Variants in KCTD8 observed in about 807,000 individuals in gnomAD.
KCTD8 encodes the protein potassium channel tetramerization domain containing 8.
Under a neutral mutation model 31.5 loss-of-function variants are expected in KCTD8, and 27 were observed. That is an observed-to-expected ratio of 0.86 (90% CI 0.63 to 1.18). KCTD8 has a LOEUF of 1.18. KCTD8 is among the 50% of genes most tolerant of loss of function. The pLI, the probability that KCTD8 is intolerant of heterozygous loss-of-function variation, is 0.00. For synonymous variants in KCTD8, 290 were observed against 280.0 expected (o/e 1.04, Z -0.36); for missense variants, 658 against 647.7 (o/e 1.02, Z -0.17).
intron 1 of KCTD8, among the ~76,000 whole-genome samples, chr4:44,418,172 A>G (rs1197839685): frequency 6.6e-6 from 1 of 152,182 alleles, no homozygotes; most frequent in Non-Finnish European, 1.5e-5. Context: ...AGAGAAGGCC[A>G]CCTAACTATA....
chr4:44,411,062 A>G (rs1259468870), intron 1 of KCTD8, among the ~76,000 whole-genome samples: 1 of 152,182 alleles, frequency 6.6e-6, no homozygotes, highest in Non-Finnish European at 1.5e-5. Context: ...GGTCCCAAGA[A>G]TAGTGCATAA....
intron 1 of KCTD8, among the ~76,000 whole-genome samples, chr4:44,359,918 G>A (rs1446544654): frequency 6.6e-6 from 1 of 151,898 alleles, no homozygotes; most frequent in Non-Finnish European, 1.5e-5. Flanking sequence ...ATATTTATGT[G>A]ACTTTTTAAA....
chr4:44,383,032 AAC>A (rs1491151283), intron 1 of KCTD8, among the ~76,000 whole-genome samples: 1 of 151,704 alleles, frequency 6.6e-6, no homozygotes, highest in East Asian at 1.9e-4. Context: ...TGACAAAAAA[AAC>A]AAGAAAGCAA....
At chr4:44,389,686 C>T (rs1242890744) in intron 1 of KCTD8, among the ~76,000 whole-genome samples, 1 of 151,780 alleles carries the variant, frequency 6.6e-6, no homozygotes, top group Non-Finnish European at 1.5e-5. Flanking sequence ...AATATAAATG[C>T]ACTTAACATT....
chr4:44,321,800 T>A (rs1718303132), intron 1 of KCTD8, among the ~76,000 whole-genome samples: 1 of 152,150 alleles, frequency 6.6e-6, no homozygotes, highest in Non-Finnish European at 1.5e-5. Flanking sequence ...TTCTAGTCTC[T>A]ACCTCCATGA....
intron 1 of KCTD8, among the ~76,000 whole-genome samples, chr4:44,423,656 TAAAG>T (rs1205211659): frequency 1.3e-5 from 2 of 152,012 alleles, no homozygotes; most frequent in Non-Finnish European, 2.9e-5. Context: ...TAACAGGAAA[TAAAG>T]TAAGTAATAA....
intron 1 of KCTD8, among the ~76,000 whole-genome samples, chr4:44,282,136 G>GT (rs148072067): frequency 3.9e-4 from 59 of 151,170 alleles, no homozygotes; most frequent in Admixed American, 2.3e-3. Context: ...CAGATGTTGT[G>GT]TTTTTTTTTA....
At chr4:44,221,288 G>A (rs1007464237) in intron 1 of KCTD8, among the ~76,000 whole-genome samples, 10 of 152,008 alleles carry the variant, frequency 6.6e-5, no homozygotes, top group Admixed American at 4.6e-4. Flanking sequence ...GTTCCATTGA[G>A]CTGCATTTTG....
At chr4:44,392,903 AC>A (rs1464150761) in intron 1 of KCTD8, among the ~76,000 whole-genome samples, 1 of 152,050 alleles carries the variant, frequency 6.6e-6, no homozygotes, top group East Asian at 1.9e-4. Flanking sequence ...CAAAAATATC[AC>A]CAAATGATAT....
At chr4:44,287,732 C>T (rs1188464826) in intron 1 of KCTD8, among the ~76,000 whole-genome samples, 1 of 152,174 alleles carries the variant, frequency 6.6e-6, no homozygotes, top group Non-Finnish European at 1.5e-5. Context: ...GCAGGCATTA[C>T]TAATTTACCA....
chr4:44,235,695 C>A (rs982792131), intron 1 of KCTD8, among the ~76,000 whole-genome samples: 5 of 150,662 alleles, frequency 3.3e-5, no homozygotes, highest in African/African-American at 1.2e-4. Context: ...TCATGACCAA[C>A]TTATTTTAAG....
chr4:44,321,751 C>G (rs1718301887), intron 1 of KCTD8, among the ~76,000 whole-genome samples: 1 of 152,110 alleles, frequency 6.6e-6, no homozygotes, highest in South Asian at 2.1e-4. Context: ...TCTTCATACA[C>G]TCCTTCCTCC....
chr4:44,342,346 GC>G (rs1257774288), intron 1 of KCTD8, among the ~76,000 whole-genome samples: 1 of 148,438 alleles, frequency 6.7e-6, no homozygotes, highest in East Asian at 2.0e-4. Flanking sequence ...TCCAGCCTGG[GC>G]TAATGAGCAA....
chr4:44,389,292 A>T (rs1003160451), intron 1 of KCTD8, among the ~76,000 whole-genome samples: 25 of 151,976 alleles, frequency 1.6e-4, no homozygotes, highest in African/African-American at 5.8e-4. Context: ...AGTTGTCTAT[A>T]ACATAAAGAC....
intron 1 of KCTD8, among the ~76,000 whole-genome samples, chr4:44,259,807 C>T (rs1273929596): frequency 6.6e-6 from 1 of 151,770 alleles, no homozygotes; most frequent in Non-Finnish European, 1.5e-5. Context: ...GGTCTAAAGG[C>T]AAATTGTTCT....
chr4:44,276,526 G>C (rs1365462176), intron 1 of KCTD8, among the ~76,000 whole-genome samples: 2 of 151,758 alleles, frequency 1.3e-5, no homozygotes, highest in Non-Finnish European at 2.9e-5. Flanking sequence ...ATATTCTTTA[G>C]TCTAAACAGT....
At chr4:44,439,521 G>A (rs1721763104) in intron 1 of KCTD8, among the ~76,000 whole-genome samples, 2 of 152,016 alleles carry the variant, frequency 1.3e-5, no homozygotes, top group Non-Finnish European at 2.9e-5. Flanking sequence ...AGCAAAGTTG[G>A]TTTATTTTTA....
At chr4:44,350,681 G>C (rs1577630579) in intron 1 of KCTD8, among the ~76,000 whole-genome samples, 1 of 152,102 alleles carries the variant, frequency 6.6e-6, no homozygotes, top group Non-Finnish European at 1.5e-5. Context: ...TGAATAAAAA[G>C]TTTTCATTGT....
chr4:44,371,862 T>C (rs987714654), intron 1 of KCTD8, among the ~76,000 whole-genome samples: 1 of 152,190 alleles, frequency 6.6e-6, no homozygotes, highest in Non-Finnish European at 1.5e-5. Flanking sequence ...TTATTTTTTA[T>C]TAAGGTTCTG....
Sources: allele counts gnomAD v4.1 joint callset (sites outside exome capture counted in the v4.1 genomes callset), GRCh38; gene constraint gnomAD v4.1.1; transcripts MANE v1.5; gene names NCBI Gene and HGNC (gene_info 2026-07-23, HGNC 2026-07-21).